The following UBQLN1 variants were observed in gnomAD, a reference collection of about 807,000 sequenced individuals.
UBQLN1 encodes the protein ubiquilin 1.
A neutral mutation model predicts 65.4 loss-of-function variants in UBQLN1; 13 were observed. That is an observed-to-expected ratio of 0.20 (90% CI 0.13 to 0.32). The LOEUF (loss-of-function observed/expected upper bound fraction) is 0.32, where lower values mean the gene tolerates loss of function less well. Among genes scored for constraint, UBQLN1 ranks in the 10% least tolerant of loss-of-function variants. The probability of loss-of-function intolerance (pLI) is 1.00; values close to 1 mark genes in which losing one functional copy is unlikely to be tolerated. For synonymous variants in UBQLN1, 267 were observed against 247.8 expected, an observed-to-expected ratio of 1.08 and a Z score of -0.73; for missense variants, 561 against 724.0, an observed-to-expected ratio of 0.77 and a Z score of 2.58.
At chr9:83,703,057 T>C (rs1832337454) in intron 1 of UBQLN1, among the ~76,000 whole-genome samples, 2 of 152,098 alleles carry the variant, frequency 1.3e-5, no homozygotes, top group African/African-American at 4.8e-5. Flanking sequence ...TTATCTGCAC[T>C]AATGTCTCAC....
chr9:83,668,511 C>T lies in UBQLN1; in HGVS notation c.1248+674G>A, dbSNP rs868424081. On this transcript the variant is annotated intron_variant, in intron 7 of 10. Transcript: ENST00000376395. ...ACTTGAGGGAGAAAGGGTTATCGGA[C>T]GCAATTATCTCAAAATCTCTAAGGA... 9.3e-5 allele frequency: 92 copies of T among 985,202 alleles called. No individual in the cohort carries two copies. In the Middle Eastern group the frequency reaches 2.1e-3, roughly 22 times the overall value. The allele number at this position is 985,202 out of a possible 1,614,324, so 61.0% of individuals were successfully genotyped here.
At chr9:83,664,923 C>CAAAAA (rs539581441) in intron 9 of UBQLN1, 107 bp downstream of exon 9, 87 of 231,704 alleles carry the variant, frequency 3.8e-4, no homozygotes, top group East Asian at 1.4e-3. Context: ...TGTATCCCAC[C>CAAAAA]AAAAAAAAAA....
rs142066874 is a variant in UBQLN1, at chr9:83,670,234, T to C, written c.1106-907A>G. ...AACTTACTATGCCAAGTCAACTCAT[T>C]AGGTTTTTCATCTCCTTTCTGCTAT... On this transcript the variant is annotated intron_variant, in intron 6 of 10. Transcript: ENST00000376395. 8.9e-4 allele frequency among the ~76,000 whole-genome samples: 135 copies of C among 152,208 alleles called. 1 individual carries two copies. The East Asian group carries it at 0.019, about 21-fold the overall frequency.
rs556525549 is a variant in UBQLN1 at position 83,662,839 on chromosome 9, C to A, written c.1618-900G>T. 1.4e-4 allele frequency among the ~76,000 whole-genome samples: 22 copies of A among 152,276 alleles called. No individual in the cohort carries two copies. The South Asian group carries it at 4.1e-3, about 29-fold the overall frequency. On this transcript the variant is annotated intron_variant, in intron 10 of 10. Coordinates refer to ENST00000376395, the MANE Select transcript of UBQLN1 (RefSeq NM_013438.5). The stretch of plus-strand genomic sequence containing the variant: ...CTGTAATCCCAGCACTTTGGGAGGC[C>A]AAGGCGGGTGAGATCGCTTGAGCTC...
chr9:83,701,011 T>C (rs1357176837), intron 1 of UBQLN1, among the ~76,000 whole-genome samples: 2 of 152,044 alleles, frequency 1.3e-5, no homozygotes, highest in African/African-American at 4.8e-5. Flanking sequence ...AGGCAAGAGG[T>C]AATGGCAACT....
chr9:83,678,437 T>A lies in UBQLN1; in HGVS notation c.870+4A>T, dbSNP rs140918210. The A allele has an allele frequency of 6.2e-7, 1 of 1,607,478 alleles. No homozygotes were observed. Among genetic ancestry groups the A allele is most frequent in the Non-Finnish European group, 8.5e-7 (1 of 1,177,610 alleles). On this transcript the variant is annotated splice_donor_region_variant and intron_variant, in intron 5 of 10. Transcript: ENST00000376395. ...TGGCCTGAACCTTGGAGCCAGTGGATCACCTGCTCTTGTGCAGCACTCAGC... is the reference window on the plus strand; with the variant it reads ...TGGCCTGAACCTTGGAGCCAGTGGAACACCTGCTCTTGTGCAGCACTCAGC...
chr9:83,676,131 AT>A (rs1254347358), intron 6 of UBQLN1, among the ~76,000 whole-genome samples: 2 of 152,196 alleles, frequency 1.3e-5, no homozygotes, highest in East Asian at 1.9e-4. Context: ...CAAGAATTTC[AT>A]CTTTACATGT....
Position 83,660,871 on chromosome 9 carries a change from C to G in UBQLN1, c.*916G>C, listed in dbSNP as rs1230957214. 3 of 152,534 alleles carry G rather than the reference C, an allele frequency of 2.0e-5. No individual in the cohort carries two copies. The highest frequency in any genetic ancestry group is 2.9e-5 in the Non-Finnish European group (2 of 68,010). 9.4% of individuals were successfully genotyped at this position (152,534 alleles called of 1,614,324 possible). A position where few individuals can be genotyped will look rare whatever the true frequency, so the allele number is the denominator to read the frequency against. ...TAAAAATAACTGAAACATCAAGACA[C>G]TTTTTCAGTGAAAGCAACATTTCAA... On this transcript the variant is annotated 3_prime_UTR_variant, in exon 11 of 11. Transcript: ENST00000376395.
chr9:83,679,618 C>T (rs2542776), intron 4 of UBQLN1, among the ~76,000 whole-genome samples, 157 bp downstream of exon 4: 107,076 of 152,152 alleles, frequency 0.7, 38,542 homozygotes, highest in East Asian at 0.88. Flanking sequence ...AGAGTTCAAA[C>T]AGCCAAATTA....
chr9:83,663,860 G>T lies in UBQLN1; in HGVS notation c.1617+15C>A, dbSNP rs758997275. 1 of 1,604,802 alleles carries T rather than the reference G, an allele frequency of 6.2e-7. No individual in the cohort carries two copies. The highest frequency in any genetic ancestry group is 8.5e-7 in the Non-Finnish European group (1 of 1,177,120). ...CATTAAGGAATACAAAACTTGAATG[G>T]AAAAGAACTGATACCTGAGGATTTA... On this transcript the variant is annotated intron_variant, in intron 10 of 10. Coordinates refer to ENST00000376395, the MANE Select transcript of UBQLN1 (RefSeq NM_013438.5).
At chr9:83,697,746 T>C (rs2131184241) in intron 1 of UBQLN1, among the ~76,000 whole-genome samples, 1 of 143,872 alleles carries the variant, frequency 7.0e-6, no homozygotes, top group East Asian at 2.1e-4. Context: ...TTTTTTTTTT[T>C]TTTTTTTGAG....
At chr9:83,674,519 G>T (rs969534708) in intron 6 of UBQLN1, among the ~76,000 whole-genome samples, 2 of 152,180 alleles carry the variant, frequency 1.3e-5, no homozygotes, top group African/African-American at 4.8e-5. Flanking sequence ...CAAGTGGCTT[G>T]TTAGCCAAAG....
chr9:83,679,889 G>T lies in UBQLN1; in HGVS notation c.597C>A (p.Leu199=). 6.2e-7 allele frequency: 1 copy of T among 1,614,122 alleles called. No individual in the cohort carries two copies. Among genetic ancestry groups the T allele is most frequent in the Non-Finnish European group, 8.5e-7 (1 of 1,180,036 alleles). ...IMENPFVQSM[L]SNPDLMRQLI... ...ACTGTCTCATCAGGTCAGGATTTGAGAGCATGCTCTGAACAAAGGGATTTT... is the reference window on the plus strand; with the variant it reads ...ACTGTCTCATCAGGTCAGGATTTGATAGCATGCTCTGAACAAAGGGATTTT... The change falls in exon 4 of 11, where the codon CTC becomes CTA. Residue 199 remains leucine, a synonymous_variant. Coordinates refer to ENST00000376395, the MANE Select transcript of UBQLN1 (RefSeq NM_013438.5).
At chr9:83,674,542 T>G (rs746058511) in intron 6 of UBQLN1, among the ~76,000 whole-genome samples, 6 of 152,230 alleles carry the variant, frequency 3.9e-5, no homozygotes, top group Non-Finnish European at 7.3e-5. Flanking sequence ...AGCCAAGTAC[T>G]AGTGATGACT....
chr9:83,666,320 C>T (rs769142107), intron 8 of UBQLN1, 30 bp downstream of exon 8: 1 of 1,604,208 alleles, frequency 6.2e-7, no homozygotes, highest in Non-Finnish European at 8.5e-7. Context: ...AAATCATTAC[C>T]CAAGATAGCT....
At chr9:83,670,802 TG>T (rs1419609458) in intron 6 of UBQLN1, among the ~76,000 whole-genome samples, 4 of 152,348 alleles carry the variant, frequency 2.6e-5, no homozygotes, top group East Asian at 3.9e-4. Context: ...TGAAACATTC[TG>T]AATTCGTTGT....
intron 6 of UBQLN1, among the ~76,000 whole-genome samples, chr9:83,671,289 T>C (rs1308344189): frequency 6.6e-6 from 1 of 152,232 alleles, no homozygotes. Flanking sequence ...CTCCATGAAT[T>C]AGGAACGTTC....
intron 6 of UBQLN1, among the ~76,000 whole-genome samples, chr9:83,677,488 G>A (rs1245064555): frequency 1.3e-5 from 2 of 152,142 alleles, no homozygotes; most frequent in Non-Finnish European, 2.9e-5. Context: ...CTTGAACCCA[G>A]GAGGAAGAGG....
At position 83,707,496 on chromosome 9, in the gene UBQLN1, T is replaced by C; in HGVS notation, c.180+4A>G. On this transcript the variant is annotated splice_donor_region_variant and intron_variant, in intron 1 of 10. Transcript: ENST00000376395. ...ATCCCGGCCCGAGCCCCAGGCGGCCTCACCTGCTGGACGGAGCTATTCTCG... is the reference window on the plus strand; with the variant it reads ...ATCCCGGCCCGAGCCCCAGGCGGCCCCACCTGCTGGACGGAGCTATTCTCG... 6.2e-7 allele frequency: 1 copy of C among 1,604,408 alleles called. No individual in the cohort carries two copies. The highest frequency in any genetic ancestry group is 8.5e-7 in the Non-Finnish European group (1 of 1,176,232).
Sources: allele counts gnomAD v4.1 joint callset (sites outside exome capture counted in the v4.1 genomes callset), GRCh38; gene constraint gnomAD v4.1.1; transcripts MANE v1.5; gene names NCBI Gene and HGNC (gene_info 2026-07-23, HGNC 2026-07-21).